TTC29: variants seen among roughly 807,000 people sequenced by gnomAD.
TTC29 encodes tetratricopeptide repeat protein 29.
Under a neutral mutation model 58.1 loss-of-function variants are expected in TTC29, and 49 were observed. The ratio of observed to expected loss-of-function variants is 0.84; its 90% confidence interval spans 0.67 to 1.07. The LOEUF is 1.07. TTC29 is among the 50% of genes least tolerant of loss of function. The pLI is 0.00. For missense variants in TTC29, 582 were observed against 555.6 expected (o/e 1.05, Z -0.48); for synonymous variants, 209 against 196.8 (o/e 1.06, Z -0.52).
chr4:146,754,411 A>T (rs1449436150), intron 11 of TTC29, among the ~76,000 whole-genome samples: 1 of 152,078 alleles, frequency 6.6e-6, no homozygotes, highest in Non-Finnish European at 1.5e-5. Flanking sequence ...AGCTCTTCTG[A>T]ACATATTTTA....
chr4:146,890,782 A>G (rs969967559), intron 6 of TTC29, among the ~76,000 whole-genome samples: 5 of 152,202 alleles, frequency 3.3e-5, no homozygotes, highest in Admixed American at 6.5e-5. Context: ...TTTGCTCCAG[A>G]AGCCAGAAAG....
chr4:146,868,271 T>C (rs1730696263), intron 7 of TTC29, among the ~76,000 whole-genome samples: 2 of 152,024 alleles, frequency 1.3e-5, no homozygotes, highest in African/African-American at 2.4e-5. Flanking sequence ...TACCTAATGT[T>C]AAATGACGAG....
chr4:146,742,818 G>A (rs1453223710), intron 11 of TTC29, among the ~76,000 whole-genome samples: 2 of 143,704 alleles, frequency 1.4e-5, no homozygotes, highest in Non-Finnish European at 3.0e-5. Context: ...AACCAAAATA[G>A]TTGATCTCAG....
chr4:146,904,758 A>T (rs895837106), intron 5 of TTC29, among the ~76,000 whole-genome samples: 8 of 152,260 alleles, frequency 5.3e-5, no homozygotes, highest in Admixed American at 5.2e-4. Flanking sequence ...GAGTCAACCC[A>T]CATATTCCTG....
chr4:146,818,155 A>C (rs71616510), intron 10 of TTC29, among the ~76,000 whole-genome samples: 15,730 of 152,214 alleles, frequency 0.1, 861 homozygotes, highest in East Asian at 0.18. Context: ...CAACCTACAA[A>C]ATGGGAGAAA....
At chr4:146,735,187 G>A (rs1744624849) in intron 11 of TTC29, among the ~76,000 whole-genome samples, 1 of 152,030 alleles carries the variant, frequency 6.6e-6, no homozygotes, top group African/African-American at 2.4e-5. Flanking sequence ...CCCCCTAAAG[G>A]CAAAATGATG....
At chr4:146,796,128 G>C (rs1749818041) in intron 11 of TTC29, among the ~76,000 whole-genome samples, 1 of 151,808 alleles carries the variant, frequency 6.6e-6, no homozygotes, top group Admixed American at 6.6e-5. Flanking sequence ...AAGTGATGAT[G>C]AGTTCAGTGT....
intron 11 of TTC29, among the ~76,000 whole-genome samples, chr4:146,766,639 C>T (rs964966376): frequency 1.3e-5 from 2 of 151,976 alleles, no homozygotes; most frequent in African/African-American, 2.4e-5. Flanking sequence ...AATTACATTG[C>T]AGTGATTTTC....
chr4:146,942,563 A>G, intron 2 of TTC29: 1 of 1,515,168 alleles, frequency 6.6e-7, no homozygotes, highest in Non-Finnish European at 8.8e-7. Flanking sequence ...AGCTCCCCAA[A>G]CGGGCCTCCC....
intron 8 of TTC29, among the ~76,000 whole-genome samples, chr4:146,859,208 C>T (rs913444821): frequency 3.9e-5 from 6 of 152,074 alleles, no homozygotes; most frequent in Admixed American, 2.6e-4. Flanking sequence ...GGGTATCCAT[C>T]AGAAGATTCA....
At chr4:146,879,925 C>A (rs556764533) in intron 6 of TTC29, among the ~76,000 whole-genome samples, 53 of 152,056 alleles carry the variant, frequency 3.5e-4, no homozygotes, top group Non-Finnish European at 7.2e-4. Context: ...TCATGGTGCA[C>A]CAGGAATCAC....
intron 8 of TTC29, among the ~76,000 whole-genome samples, chr4:146,847,304 C>T (rs1266562809): frequency 6.6e-6 from 1 of 152,018 alleles, no homozygotes; most frequent in Non-Finnish European, 1.5e-5. Context: ...CTTGGAATTC[C>T]CTGGCTTCCC....
intron 4 of TTC29, among the ~76,000 whole-genome samples, chr4:146,931,976 C>A (rs1441156342): frequency 2.6e-5 from 4 of 152,040 alleles, no homozygotes; most frequent in African/African-American, 9.7e-5. Flanking sequence ...TCTTTTCCCC[C>A]TTCTTCTTTC....
intron 6 of TTC29, among the ~76,000 whole-genome samples, chr4:146,897,738 C>T (rs1347494181): frequency 3.9e-5 from 6 of 152,244 alleles, no homozygotes; most frequent in Non-Finnish European, 7.3e-5. Context: ...CCCAGTTGGT[C>T]TGCTGTGAGT....
chr4:146,731,132 C>A (rs1312391207), intron 11 of TTC29, among the ~76,000 whole-genome samples: 1 of 151,948 alleles, frequency 6.6e-6, no homozygotes, highest in Non-Finnish European at 1.5e-5. Context: ...GACAGTTAAT[C>A]CTTAGTAAAA....
At position 146,874,765 on chromosome 4, in the gene TTC29, G is replaced by C; in HGVS notation, c.750C>G (p.Tyr250Ter). 6.2e-7 allele frequency: 1 copy of C among 1,609,342 alleles called. No homozygotes were observed. Among genetic ancestry groups the C allele is most frequent in the Non-Finnish European group, 8.5e-7 (1 of 1,178,102 alleles). The change falls in exon 7 of 13, where the codon TAC (tyrosine) becomes TAG (stop). Residue 250 changes from tyrosine to a stop codon, truncating the protein, a stop_gained. Coordinates refer to ENST00000325106, the MANE Select transcript of TTC29 (RefSeq NM_031956.4). LOFTEE classifies it high-confidence loss of function. ...TTATTAGAATTTTGATGGCCTGTTT[G>C]TATTCTTTATTTTCTAGCATTTTGT... ...LSDKMLENKEYKQAIKILIKA... is the reference protein window; with the variant it reads ...LSDKMLENKE
intron 11 of TTC29, among the ~76,000 whole-genome samples, chr4:146,714,772 T>G (rs936557517): frequency 6.6e-6 from 1 of 152,154 alleles, no homozygotes; most frequent in African/African-American, 2.4e-5. Context: ...CATGGCAATC[T>G]GGATCTATGT....
chr4:146,895,057 T>C (rs890374443), intron 6 of TTC29, among the ~76,000 whole-genome samples: 1 of 152,208 alleles, frequency 6.6e-6, no homozygotes, highest in Non-Finnish European at 1.5e-5. Context: ...CTCCCACTTA[T>C]AAGTGAGAAC....
rs1218715918 is a variant in TTC29, at chr4:146,945,763, T to TC, written c.-109dup. The TC allele has an allele frequency of 3.3e-5, 5 of 152,462 alleles. No individual in the cohort carries two copies. Among genetic ancestry groups the TC allele is most frequent in the African/African-American group, 9.6e-5 (4 of 41,552 alleles). 9.4% of individuals were successfully genotyped at this position (152,462 alleles called of 1,614,324 possible). ...CAGTTTTCCGTTCCGCCGAAGTCAG[T>TC]CCCCCACCGGCGGCAGGTGCTGGGC... On this transcript the variant is annotated 5_prime_UTR_variant, in exon 1 of 13. Coordinates refer to ENST00000325106, the MANE Select transcript of TTC29 (RefSeq NM_031956.4).
Sources: allele counts gnomAD v4.1 joint callset (sites outside exome capture counted in the v4.1 genomes callset), GRCh38; gene constraint gnomAD v4.1.1; transcripts MANE v1.5; gene names NCBI Gene and HGNC (gene_info 2026-07-23, HGNC 2026-07-21).